Variants in TNN observed in about 807,000 individuals in gnomAD.
TNN encodes the protein tenascin-N.
In TNN, 122 loss-of-function variants were observed where a neutral mutation model predicts 134.4. The ratio of observed to expected loss-of-function variants is 0.91; its 90% confidence interval spans 0.78 to 1.06. The LOEUF (loss-of-function observed/expected upper bound fraction) is 1.06, where lower values mean the gene tolerates loss of function less well. TNN is among the 50% of genes least tolerant of loss of function. The pLI, the probability that TNN is intolerant of heterozygous loss-of-function variation, is 0.00. For synonymous variants in TNN, 710 were observed against 670.3 expected (o/e 1.06, Z -0.91); for missense variants, 1,739 against 1,699.4 (o/e 1.02, Z -0.41).
At chr1:175,096,018 A>T (rs1280574590) in intron 7 of TNN, among the ~76,000 whole-genome samples, 3 of 152,260 alleles carry the variant, frequency 2.0e-5, no homozygotes, top group Non-Finnish European at 4.4e-5. Flanking sequence ...GGGCACAAAC[A>T]TGAAGGAAGT....
intron 7 of TNN, among the ~76,000 whole-genome samples, chr1:175,094,793 A>T (rs1427755515): frequency 6.6e-6 from 1 of 152,226 alleles, no homozygotes; most frequent in Non-Finnish European, 1.5e-5. Flanking sequence ...ATACTGGGAC[A>T]TAGCCCAGCC....
intron 17 of TNN, among the ~76,000 whole-genome samples, chr1:175,139,174 A>T (rs1400715481): frequency 6.6e-6 from 1 of 152,232 alleles, no homozygotes; most frequent in Non-Finnish European, 1.5e-5. Context: ...AAATTTATTT[A>T]AAAATGTTCT....
At chr1:175,096,748 G>A (rs1156367146) in intron 7 of TNN, among the ~76,000 whole-genome samples, 2 of 152,184 alleles carry the variant, frequency 1.3e-5, no homozygotes, top group African/African-American at 2.4e-5. Context: ...CTATGAGGTA[G>A]GTAGTGGTAT....
At position 175,118,781 on chromosome 1, in the gene TNN, G is replaced by A. The variant is rs772841138; in HGVS notation, c.2607G>A (p.Lys869=). The change falls in exon 11 of 19, where the codon AAG becomes AAA. Residue 869 remains lysine (K), a synonymous_variant. Transcript: ENST00000239462. The part of the protein sequence containing the change: ...MEYTVHVWAQ[K]GNQESKKADT... Reference sequence around the variant, plus strand: ...ACACGGTGCACGTGTGGGCCCAGAAGGGGAACCAGGAGAGCAAGAAGGCTG... The same window carrying A: ...ACACGGTGCACGTGTGGGCCCAGAAAGGGAACCAGGAGAGCAAGAAGGCTG... The A allele has an allele frequency of 1.2e-6, 2 of 1,614,216 alleles. No individual in the cohort carries two copies. The highest frequency in any genetic ancestry group is 1.7e-6 in the Non-Finnish European group (2 of 1,180,042).
chr1:175,124,391 AC>A (rs1223339998), intron 12 of TNN, among the ~76,000 whole-genome samples: 1 of 152,144 alleles, frequency 6.6e-6, no homozygotes, highest in African/African-American at 2.4e-5. Context: ...ACAAAACAAA[AC>A]AAAAACGGCC....
At chr1:175,068,255 A>G (rs1185520466) in intron 1 of TNN, among the ~76,000 whole-genome samples, 1 of 152,074 alleles carries the variant, frequency 6.6e-6, no homozygotes, top group Non-Finnish European at 1.5e-5. Flanking sequence ...TGTTTCCTTT[A>G]AGATGTTCCT....
At chr1:175,072,841 G>T (rs6703740) in intron 1 of TNN, among the ~76,000 whole-genome samples, 86,860 of 150,454 alleles carry the variant, frequency 0.58, 26,298 homozygotes, top group African/African-American at 0.79. Context: ...ACTTGTGGGA[G>T]TTCTCATATT....
chr1:175,138,528 G>A (rs897870278), intron 17 of TNN, among the ~76,000 whole-genome samples: 5 of 152,078 alleles, frequency 3.3e-5, no homozygotes, highest in Admixed American at 6.6e-5. Context: ...CTACAGACAC[G>A]GGGAAACTGT....
At chr1:175,109,244 G>A (rs1321739868) in intron 9 of TNN, among the ~76,000 whole-genome samples, 17 of 146,600 alleles carry the variant, frequency 1.2e-4, no homozygotes, top group African/African-American at 2.0e-4. Flanking sequence ...GCCCGCCACC[G>A]CGCCCGGCTA....
At chr1:175,119,263 T>G (rs1034885151) in intron 11 of TNN, among the ~76,000 whole-genome samples, 3 of 152,230 alleles carry the variant, frequency 2.0e-5, no homozygotes, top group Non-Finnish European at 4.4e-5. Flanking sequence ...TATTCATACC[T>G]CCCCTTTTTA....
intron 17 of TNN, among the ~76,000 whole-genome samples, chr1:175,139,094 C>T (rs912095939): frequency 2.8e-4 from 42 of 152,148 alleles, no homozygotes; most frequent in African/African-American, 9.4e-4. Context: ...GAGTGGTGAG[C>T]GAATGTGAAG....
intron 9 of TNN, among the ~76,000 whole-genome samples, chr1:175,111,055 C>A (rs987780616): frequency 7.3e-5 from 11 of 151,214 alleles, no homozygotes; most frequent in African/African-American, 2.7e-4. Context: ...CGGTAGCTCA[C>A]GCCTGTAATC....
intron 17 of TNN, among the ~76,000 whole-genome samples, chr1:175,138,237 A>G (rs1172748449): frequency 1.3e-5 from 2 of 152,250 alleles, no homozygotes; most frequent in African/African-American, 4.8e-5. Context: ...TTGAGATCTT[A>G]TAATTTCATT....
chr1:175,142,864 C>T (rs1249060490), intron 17 of TNN, among the ~76,000 whole-genome samples: 2 of 152,216 alleles, frequency 1.3e-5, no homozygotes, highest in Non-Finnish European at 2.9e-5. Flanking sequence ...GATCTGCCTG[C>T]CTCGGCCTCT....
intron 8 of TNN, among the ~76,000 whole-genome samples, chr1:175,097,927 CAGA>C (rs1423446611): frequency 6.6e-6 from 1 of 152,160 alleles, no homozygotes; most frequent in Non-Finnish European, 1.5e-5. Flanking sequence ...ATGCTTTTAG[CAGA>C]AGATGGGTAC....
Position 175,080,405 on chromosome 1 carries a change from C to T in TNN, c.1027C>T (p.Gln343Ter). The T allele has an allele frequency of 6.2e-7, 1 of 1,614,112 alleles. No homozygotes were observed. The highest frequency in any genetic ancestry group is 8.5e-7 in the Non-Finnish European group (1 of 1,179,978). The change falls in exon 4 of 19, where the codon CAG becomes TAG. Residue 343 changes from glutamine (Q) to a stop codon, truncating the protein, a stop_gained. Coordinates refer to ENST00000239462, the MANE Select transcript of TNN (RefSeq NM_022093.2). LOFTEE classifies it high-confidence loss of function. ...NVKNEVSSSPQHLLATTDLAV... is the reference protein window; with the variant it reads ...NVKNEVSSSP ...CAAGAATGAAGTTTCTAGCAGCCCACAGCATCTACTTGCCACCACAGGTGA... is the reference window on the plus strand; with the variant it reads ...CAAGAATGAAGTTTCTAGCAGCCCATAGCATCTACTTGCCACCACAGGTGA...
intron 3 of TNN, 51 bp from the exon 4 acceptor site, chr1:175,080,112 G>A (rs199859434): frequency 7.5e-5 from 120 of 1,600,120 alleles, no homozygotes; most frequent in Non-Finnish European, 1.0e-4. Flanking sequence ...CACTGGGTCT[G>A]GATCGCCTCC....
At position 175,097,425 on chromosome 1, in the gene TNN, A is replaced by C; in HGVS notation, c.1597A>C (p.Ser533Arg). 6.2e-7 allele frequency: 1 copy of C among 1,614,236 alleles called. No homozygotes were observed. Among genetic ancestry groups the C allele is most frequent in the Non-Finnish European group, 8.5e-7 (1 of 1,180,036 alleles). Residue 533 changes from serine (S) to arginine (R), a missense_variant, in exon 8 of 19, where the codon AGC becomes CGC. Transcript: ENST00000239462. ...ADTNALTEID[S>R]PANLVTDRVT... is the part of the protein sequence containing the mutation. ...TCATCTCTCTCTTAAAGAAATTGAC[A>C]GCCCAGCAAACCTGGTGACTGACCG...
Position 175,080,282 on chromosome 1 carries a change from C to G in TNN, c.904C>G (p.Leu302Val), listed in dbSNP as rs1040461655. 6.2e-6 allele frequency: 10 copies of G among 1,613,996 alleles called. No homozygotes were observed. The highest frequency in any genetic ancestry group is 8.5e-6 in the Non-Finnish European group (10 of 1,180,014). Reference sequence around the variant, plus strand: ...CAGCTACTACCCCCTGGGGAAGGAGCTCTCTGGGAAGCAGATCCAAGTGCC... The same window carrying G: ...CAGCTACTACCCCCTGGGGAAGGAGGTCTCTGGGAAGCAGATCCAAGTGCC... The part of the protein sequence containing the change: ...LLSYYPLGKE[L>V]SGKQIQVPKE... The change falls in exon 4 of 19, where the codon CTC becomes GTC. Residue 302 changes from leucine (L) to valine (V), a missense_variant. By Grantham distance (32) the Leu-to-Val change is conservative (BLOSUM62 1). Transcript: ENST00000239462.
Sources: gnomAD v4.1 joint callset for allele counts (sites outside exome capture counted in the v4.1 genomes callset) on GRCh38, gnomAD v4.1.1 for gene constraint, MANE v1.5 for transcripts, NCBI Gene and HGNC (gene_info 2026-07-23, HGNC 2026-07-21) for gene names.